ZNF71: variants seen among roughly 807,000 people sequenced by gnomAD.
ZNF71 encodes zinc finger protein 71.
ZNF71 carries 3 observed loss-of-function variants against 6.7 expected under a neutral mutation model. The observed-to-expected ratio is 0.45, with a 90% CI of 0.20 to 1.16. The LOEUF is 1.16. ZNF71 is among the 50% of genes most tolerant of loss of function. The pLI, the probability that ZNF71 is intolerant of heterozygous loss-of-function variation, is 0.25. For missense variants in ZNF71, 688 were observed against 728.6 expected, an observed-to-expected ratio of 0.94 and a Z score of 0.64; for synonymous variants, 343 against 311.1, an observed-to-expected ratio of 1.10 and a Z score of -1.08.
rs548415698 is a variant in ZNF71, at chr19:56,618,453, G to T, written c.161-2815G>T. Among the ~76,000 whole-genome samples the T allele has an allele frequency of 6.6e-6, 1 of 152,204 alleles. No individual in the cohort carries two copies. The highest frequency in any genetic ancestry group is 1.5e-5 in the Non-Finnish European group (1 of 68,032). ...CTTCTGTGTGCAGGCTGTGTGAGGAGCTGGGGGGTGAGCAAGGCCCTTGCC... is the reference window on the plus strand; with the variant it reads ...CTTCTGTGTGCAGGCTGTGTGAGGATCTGGGGGGTGAGCAAGGCCCTTGCC... On this transcript the variant is annotated intron_variant, in intron 3 of 3. Transcript: ENST00000599599. The surrounding 1 kb of genome is among the most constrained non-coding windows in gnomAD (Gnocchi z 4.6).
Position 56,603,858 on chromosome 19 carries a change from C to CTCTTCAGA in ZNF71, c.33+2267_33+2268insTCTTCAGA, listed in dbSNP as rs61268707. Among the ~76,000 whole-genome samples, 95,635 of 151,032 alleles carry CTCTTCAGA rather than the reference C, an allele frequency of 0.63. 30,584 individuals carry two copies. The highest frequency in any genetic ancestry group is 0.72 in the South Asian group (3,475 of 4,800). ...AAAAATTGAGCCTGTCTGGTTTCAG[C>CTCTTCAGA]GTTTTCCCTGTGGTGAAATGGTTTG... On this transcript the variant is annotated intron_variant, in intron 2 of 3. Transcript: ENST00000599599. The surrounding 1 kb of genome is among the most constrained non-coding windows in gnomAD (Gnocchi z 4.6).
In ZNF71 at chr19:56,622,370, G is replaced by T. The variant is rs901067614; in HGVS notation, c.1263G>T (p.Lys421Asn). The change falls in exon 4 of 4, where the codon AAG (lysine) becomes AAT (asparagine). Residue 421 changes from lysine (K) to asparagine (N), a missense_variant. Lys to Asn is a moderately conservative substitution (Grantham distance 94). Coordinates refer to ENST00000599599, the MANE Select transcript of ZNF71 (RefSeq NM_001370215.1). ...VKPFECSECG[K>N]AFSKNSSLTQ... is the part of the protein sequence containing the mutation. ...CGTTCGAGTGCAGCGAGTGCGGCAA[G>T]GCCTTCAGCAAGAACTCCTCGCTCA... 1.2e-6 allele frequency: 2 copies of T among 1,613,066 alleles called. No individual in the cohort carries two copies. Among genetic ancestry groups the T allele is most frequent in the Non-Finnish European group, 1.7e-6 (2 of 1,179,554 alleles).
intron 3 of ZNF71, among the ~76,000 whole-genome samples, chr19:56,615,877 A>G (rs576232954): frequency 1.2e-3 from 183 of 152,260 alleles, no homozygotes; most frequent in Non-Finnish European, 1.1e-3. Context: ...AAAGCCATGA[A>G]GATTTATTCC....
intron 3 of ZNF71, among the ~76,000 whole-genome samples, chr19:56,617,119 TTTG>T: frequency 6.8e-6 from 1 of 148,084 alleles, no homozygotes; most frequent in African/African-American, 2.6e-5. Context: ...TTTGTTTTTT[TTTG>T]TTTTTTTTGA....
intron 3 of ZNF71, among the ~76,000 whole-genome samples, chr19:56,617,593 G>A (rs146308282): frequency 2.0e-5 from 3 of 152,340 alleles, no homozygotes; most frequent in East Asian, 3.9e-4. Context: ...TGGCGAAAGT[G>A]CCCTCTGCAG....
intron 3 of ZNF71, among the ~76,000 whole-genome samples, chr19:56,615,562 T>TC (rs2044784502): frequency 1.4e-5 from 1 of 73,914 alleles, no homozygotes; most frequent in Non-Finnish European, 2.3e-5. Flanking sequence ...TTTCCTGTTT[T>TC]TTTTTTTTTT....
chr19:56,615,741 G>A (rs1435614733), intron 3 of ZNF71, among the ~76,000 whole-genome samples: 1 of 151,740 alleles, frequency 6.6e-6, no homozygotes, highest in Non-Finnish European at 1.5e-5. Flanking sequence ...TGTGGATTGT[G>A]TTTTCACTTT....
At chr19:56,596,391 A>G (rs1568502165) in intron 1 of ZNF71, among the ~76,000 whole-genome samples, 1 of 152,038 alleles carries the variant, frequency 6.6e-6, no homozygotes, top group Non-Finnish European at 1.5e-5. Context: ...TAGCAGAGCC[A>G]CTACCTTCTC....
At chr19:56,615,210 G>A (rs766228456) in intron 3 of ZNF71, among the ~76,000 whole-genome samples, 6 of 152,220 alleles carry the variant, frequency 3.9e-5, no homozygotes, top group Non-Finnish European at 8.8e-5. Flanking sequence ...TTTGTGAACA[G>A]TTCTTTGTGT....
At chr19:56,601,262 A>G (rs1328617349) in intron 1 of ZNF71, among the ~76,000 whole-genome samples, 2 of 152,086 alleles carry the variant, frequency 1.3e-5, no homozygotes, top group Non-Finnish European at 2.9e-5. Flanking sequence ...CAGCCTCCTC[A>G]TCTGTGAAAT....
chr19:56,618,995 C>T lies in ZNF71; in HGVS notation c.161-2273C>T, dbSNP rs948249366. ...GCAAGGACCCGTGGTGGCCAGCCGG[C>T]TTTTTGTCAGTGGGGACCGGGAGAT... is the stretch of plus-strand genomic sequence containing the variant. On this transcript the variant is annotated intron_variant, in intron 3 of 3. Coordinates refer to ENST00000599599, the MANE Select transcript of ZNF71 (RefSeq NM_001370215.1). This position sits in a 1 kb window ranked among gnomAD's most constrained non-coding sequence, Gnocchi z 4.6. Among the ~76,000 whole-genome samples the T allele has an allele frequency of 1.3e-5, 2 of 152,112 alleles. No individual in the cohort carries two copies. The highest frequency in any genetic ancestry group is 2.9e-5 in the Non-Finnish European group (2 of 68,020).
rs780599197 is a variant in ZNF71 at position 56,622,142 on chromosome 19, G to T, written c.1035G>T (p.Leu345=). ...CGRAFSQNMH[L]TEHQRTHTGE... is the part of the protein sequence containing the mutation. ...GAGCCTTCAGCCAGAACATGCACCTGACCGAGCACCAGCGCACGCACACCG... is the reference window on the plus strand; with the variant it reads ...GAGCCTTCAGCCAGAACATGCACCTTACCGAGCACCAGCGCACGCACACCG... The change falls in exon 4 of 4, where the codon CTG becomes CTT. Residue 345 remains leucine (L), a synonymous_variant. Coordinates refer to ENST00000599599, the MANE Select transcript of ZNF71 (RefSeq NM_001370215.1). The T allele has an allele frequency of 6.3e-7, 1 of 1,584,682 alleles. No individual in the cohort carries two copies. Among genetic ancestry groups the T allele is most frequent in the African/African-American group, 1.5e-5 (1 of 68,094 alleles).
chr19:56,615,304 C>T (rs1008643401), intron 3 of ZNF71, among the ~76,000 whole-genome samples: 1 of 152,194 alleles, frequency 6.6e-6, no homozygotes, highest in Non-Finnish European at 1.5e-5. Flanking sequence ...AACTGCCAAC[C>T]TGTTTTCCAA....
chr19:56,617,112 G>GTT lies in ZNF71; in HGVS notation c.160+3182_160+3183dup, dbSNP rs748784485. Among the ~76,000 whole-genome samples, 82 of 140,694 alleles carry GTT rather than the reference G, an allele frequency of 5.8e-4. 3 individuals carry two copies. Among genetic ancestry groups the GTT allele is most frequent in the African/African-American group, 2.0e-3 (70 of 35,342 alleles). The allele number at this position is 140,694 out of a possible 152,430, so 92.3% of individuals were successfully genotyped here. ...TTACAGGAGACTTCCATTTTCTTTT[G>GTT]TTTTTTTTTGTTTTTTTTGAGACAG... On this transcript the variant is annotated intron_variant, in intron 3 of 3. Transcript: ENST00000599599.
At chr19:56,596,474 G>A (rs866888396) in intron 1 of ZNF71, among the ~76,000 whole-genome samples, 8 of 152,114 alleles carry the variant, frequency 5.3e-5, no homozygotes, top group Non-Finnish European at 8.8e-5. Flanking sequence ...CTCTGGAGGC[G>A]TAGGGGCCTG....
In ZNF71 at chr19:56,622,068, C is replaced by T. The variant is rs1278625883; in HGVS notation, c.961C>T (p.Gln321Ter). Residue 321 changes from glutamine (Q) to a stop codon, truncating the protein, a stop_gained, in exon 4 of 4, where the codon CAG becomes TAG. Coordinates refer to ENST00000599599, the MANE Select transcript of ZNF71 (RefSeq NM_001370215.1). LOFTEE classifies it low-confidence loss of function (END_TRUNC). The part of the protein sequence containing the change: ...FSQNMHLIVH[Q>*]RTHTGEKPYV... ...CCAGAACATGCACCTCATCGTGCAC[C>T]AGCGCACGCACACCGGGGAGAAGCC... The T allele has an allele frequency of 1.2e-6, 2 of 1,612,728 alleles. No individual in the cohort carries two copies. The highest frequency in any genetic ancestry group is 3.3e-5 in the Admixed American group (2 of 59,976).
intron 1 of ZNF71, among the ~76,000 whole-genome samples, chr19:56,595,920 A>G (rs1429374921): frequency 6.8e-6 from 1 of 146,158 alleles, no homozygotes; most frequent in South Asian, 2.2e-4. Flanking sequence ...CGTGTCGTCC[A>G]GAGGCTGGGT....
At chr19:56,616,113 C>G (rs1230165555) in intron 3 of ZNF71, among the ~76,000 whole-genome samples, 1 of 152,208 alleles carries the variant, frequency 6.6e-6, no homozygotes, top group Non-Finnish European at 1.5e-5. Context: ...GAAATCTTGG[C>G]CTATCCCAAG....
chr19:56,608,190 A>G (rs1235505244), intron 2 of ZNF71, among the ~76,000 whole-genome samples: 1 of 152,148 alleles, frequency 6.6e-6, no homozygotes, highest in Non-Finnish European at 1.5e-5. Context: ...CATTAAATGC[A>G]TTCCTAATGT....
Sources: allele counts gnomAD v4.1 joint callset (sites outside exome capture counted in the v4.1 genomes callset), GRCh38; gene constraint gnomAD v4.1.1; non-coding constraint Gnocchi (gnomAD v3.1); transcripts MANE v1.5; gene names NCBI Gene and HGNC (gene_info 2026-07-23, HGNC 2026-07-21).